STK32B: variants seen among roughly 807,000 people sequenced by gnomAD.
STK32B encodes serine/threonine-protein kinase 32B.
Under a neutral mutation model 52.6 loss-of-function variants are expected in STK32B, and 43 were observed. The ratio of observed to expected loss-of-function variants is 0.82; its 90% CI spans 0.64 to 1.05. The LOEUF is 1.05. STK32B is among the 50% of genes least tolerant of loss of function. The probability of loss-of-function intolerance (pLI) is 0.00; values close to 1 mark genes in which losing one functional copy is unlikely to be tolerated. For missense variants in STK32B, 621 were observed against 534.6 expected (o/e 1.16, Z -1.59); for synonymous variants, 238 against 204.3 (o/e 1.17, Z -1.41).
intron 1 of STK32B, among the ~76,000 whole-genome samples, chr4:5,120,907 G>A (rs560108334): frequency 1.6e-4 from 24 of 151,124 alleles, no homozygotes; most frequent in South Asian, 6.3e-4. Context: ...ATATATTTTC[G>A]TTTAAGAATA....
chr4:5,283,989 C>A (rs918442183), intron 3 of STK32B, among the ~76,000 whole-genome samples: 1 of 152,048 alleles, frequency 6.6e-6, no homozygotes, highest in Non-Finnish European at 1.5e-5. Context: ...GTGTGTAAAG[C>A]AATTTTATTC....
chr4:5,414,611 A>C (rs529123025), intron 5 of STK32B, among the ~76,000 whole-genome samples: 1 of 152,222 alleles, frequency 6.6e-6, no homozygotes, highest in Non-Finnish European at 1.5e-5. Context: ...GCTAAATTCA[A>C]AAGTAATTTT....
chr4:5,496,181 G>T (rs980322835), intron 11 of STK32B, among the ~76,000 whole-genome samples: 1 of 152,226 alleles, frequency 6.6e-6, no homozygotes, highest in African/African-American at 2.4e-5. Flanking sequence ...GCCCCCAGAG[G>T]TGGAGCCTAC....
At chr4:5,269,871 T>C (rs1727310318) in intron 3 of STK32B, among the ~76,000 whole-genome samples, 1 of 150,738 alleles carries the variant, frequency 6.6e-6, no homozygotes, top group Admixed American at 6.6e-5. Context: ...AAAAATTCTT[T>C]ACAGTATTTT....
intron 4 of STK32B, among the ~76,000 whole-genome samples, chr4:5,331,704 C>G (rs1421945921): frequency 6.6e-6 from 1 of 152,118 alleles, no homozygotes; most frequent in Non-Finnish European, 1.5e-5. Context: ...AGAAGAGTTA[C>G]AGGAGCATTA....
chr4:5,160,319 C>T (rs1326393439), intron 2 of STK32B, among the ~76,000 whole-genome samples: 2 of 152,156 alleles, frequency 1.3e-5, no homozygotes, highest in Non-Finnish European at 2.9e-5. Flanking sequence ...TTTATAACTG[C>T]CCATTAAGGC....
chr4:5,335,036 A>C (rs1250006079), intron 4 of STK32B, among the ~76,000 whole-genome samples: 3 of 151,692 alleles, frequency 2.0e-5, no homozygotes, highest in Non-Finnish European at 4.4e-5. Flanking sequence ...TGATTGGAAT[A>C]GTTTCAGAAG....
intron 3 of STK32B, among the ~76,000 whole-genome samples, chr4:5,306,781 G>T (rs1476550558): frequency 6.6e-6 from 1 of 152,108 alleles, no homozygotes. Flanking sequence ...GTATTTTGAG[G>T]ATTTGTTTCA....
chr4:5,358,582 A>T (rs1734325894), intron 4 of STK32B, among the ~76,000 whole-genome samples: 1 of 152,148 alleles, frequency 6.6e-6, no homozygotes, highest in Admixed American at 6.5e-5. Context: ...TGGAAAAAAA[A>T]ACCCTCTACC....
At chr4:5,479,607 T>A (rs1162262640) in intron 11 of STK32B, among the ~76,000 whole-genome samples, 1 of 152,186 alleles carries the variant, frequency 6.6e-6, no homozygotes, top group Non-Finnish European at 1.5e-5. Context: ...CTTGAGCTAT[T>A]CCCAGATGGG....
chr4:5,317,014 A>T lies in STK32B; in HGVS notation c.261-14206A>T, dbSNP rs539763478. ...ATATGATATAATATATAATATATATAATATATAATATATATGATATAATAT... is the reference window on the plus strand; with the variant it reads ...ATATGATATAATATATAATATATATTATATATAATATATATGATATAATAT... On this transcript the variant is annotated intron_variant, in intron 3 of 11. Coordinates refer to ENST00000282908, the MANE Select transcript of STK32B (RefSeq NM_018401.3). Among the ~76,000 whole-genome samples, 21 of 25,608 alleles carry T rather than the reference A, an allele frequency of 8.2e-4. 1 individual carries two copies. The highest frequency in any genetic ancestry group is 4.6e-3 in the East Asian group (2 of 434). The allele number at this position is 25,608 out of a possible 152,430, so 16.8% of individuals were successfully genotyped here. A position where few individuals can be genotyped will look rare whatever the true frequency, so the allele number is the denominator to read the frequency against.
chr4:5,141,099 T>C (rs1332002492), intron 2 of STK32B, among the ~76,000 whole-genome samples: 1 of 152,190 alleles, frequency 6.6e-6, no homozygotes. Flanking sequence ...TTTGAATTAA[T>C]TAACATTAAG....
At chr4:5,361,719 T>G (rs1389481576) in intron 4 of STK32B, among the ~76,000 whole-genome samples, 2 of 152,258 alleles carry the variant, frequency 1.3e-5, no homozygotes, top group Non-Finnish European at 2.9e-5. Flanking sequence ...ACTAGAATTC[T>G]ATAATAAAGA....
intron 1 of STK32B, among the ~76,000 whole-genome samples, chr4:5,060,419 T>G (rs758386397): frequency 5.3e-5 from 8 of 152,200 alleles, no homozygotes; most frequent in Non-Finnish European, 7.3e-5. Context: ...CTTTTTTGAT[T>G]GGCCTTTCTT....
At chr4:5,454,871 G>A (rs1314212075) in intron 7 of STK32B, among the ~76,000 whole-genome samples, 4 of 151,948 alleles carry the variant, frequency 2.6e-5, no homozygotes, top group African/African-American at 9.7e-5. Flanking sequence ...ACGCAATGAT[G>A]GGCAGAAAAT....
chr4:5,131,665 C>A (rs150567954), intron 1 of STK32B, among the ~76,000 whole-genome samples: 1 of 152,184 alleles, frequency 6.6e-6, no homozygotes, highest in Non-Finnish European at 1.5e-5. Flanking sequence ...TTGCCAAGGG[C>A]CTTTGCACAT....
In STK32B at chr4:5,192,308, C is replaced by T. The variant is rs151136270; in HGVS notation, c.260+23858C>T. 2.1e-3 allele frequency among the ~76,000 whole-genome samples: 321 copies of T among 152,314 alleles called. 1 individual carries two copies. Among genetic ancestry groups the T allele is most frequent in the Non-Finnish European group, 3.6e-3 (242 of 68,024 alleles). The stretch of plus-strand genomic sequence containing the variant: ...GTGTACAACTCCAGGACACCTTGTG[C>T]AACACAGCAGCCTGGTCCTCGGGGC... On this transcript the variant is annotated intron_variant, in intron 3 of 11. Transcript: ENST00000282908.
At chr4:5,484,287 A>T (rs1054193234) in intron 11 of STK32B, among the ~76,000 whole-genome samples, 2 of 152,164 alleles carry the variant, frequency 1.3e-5, no homozygotes, top group African/African-American at 2.4e-5. Flanking sequence ...TTGGGTGCAT[A>T]TATATTTAGG....
intron 11 of STK32B, among the ~76,000 whole-genome samples, chr4:5,496,304 C>G (rs1039231782): frequency 1.3e-5 from 2 of 152,208 alleles, no homozygotes; most frequent in African/African-American, 2.4e-5. Flanking sequence ...CCACCAGCCT[C>G]GCTGCCGCCT....
Sources: allele counts gnomAD v4.1 joint callset (sites outside exome capture counted in the v4.1 genomes callset), GRCh38; gene constraint gnomAD v4.1.1; transcripts MANE v1.5; gene names NCBI Gene and HGNC (gene_info 2026-07-23, HGNC 2026-07-21).